Variants in ZNF676 observed in about 807,000 individuals in gnomAD.
The protein encoded by ZNF676 is zinc finger protein 676.
Under a neutral mutation model 6.0 loss-of-function variants are expected in ZNF676, and 4 were observed. The observed-to-expected ratio is 0.67, with a 90% CI of 0.33 to 1.53. ZNF676 has a LOEUF of 1.53. Ranked by LOEUF, ZNF676 falls within the 40% of genes most tolerant of loss-of-function variation. The pLI, the probability that ZNF676 is intolerant of heterozygous loss-of-function variation, is 0.06. For synonymous variants in ZNF676, 198 were observed against 223.1 expected (o/e 0.89, Z 1.00); for missense variants, 644 against 679.7 (o/e 0.95, Z 0.58).
At chr19:22,256,443 T>G in the ZNF676 span, among the ~76,000 whole-genome samples, 25 of 152,028 alleles carry the variant, frequency 1.6e-4, 1 homozygote, top group African/African-American at 5.5e-4. Context: ...CTGAGCCCAG[T>G]GATATGTCAC....
rs767194516 is a variant in ZNF676, at chr19:22,181,240, A to C, written c.477T>G (p.His159Gln). Reference protein sequence around the residue: ...SFCMLSHLSQHERIYTRENSY... With the variant: ...SFCMLSHLSQQERIYTRENSY... ...AATTCTCTCTAGTATAAATTCTTTC[A>C]TGTTGAGATAGGTGTGAAAGCATGC... is the stretch of plus-strand genomic sequence containing the variant. The change falls in exon 3 of 3, where the codon CAT becomes CAG. Residue 159 changes from histidine (H) to glutamine (Q), a missense_variant. This residue lies in a region of ZNF676 where 280 missense variants were observed against 269.3 expected (regional missense o/e 1.04). Coordinates refer to ENST00000397121, the MANE Select transcript of ZNF676 (RefSeq NM_001001411.3). 5.0e-6 allele frequency: 8 copies of C among 1,613,870 alleles called. No individual in the cohort carries two copies. The highest frequency in any genetic ancestry group is 6.8e-6 in the Non-Finnish European group (8 of 1,179,862).
the ZNF676 span, among the ~76,000 whole-genome samples, chr19:22,257,906 T>C: frequency 1.3e-5 from 2 of 152,034 alleles, no homozygotes; most frequent in Non-Finnish European, 2.9e-5. Flanking sequence ...GGCTCACCCA[T>C]ATGTAATGAT....
At chr19:22,212,683 C>T (rs1296952899) in intron 1 of ZNF676, among the ~76,000 whole-genome samples, 3 of 151,084 alleles carry the variant, frequency 2.0e-5, no homozygotes, top group African/African-American at 4.9e-5. Flanking sequence ...CCAGCCTGGG[C>T]GACAGAGGAA....
At chr19:22,189,553 C>T (rs867688984) in intron 2 of ZNF676, among the ~76,000 whole-genome samples, 1 of 151,876 alleles carries the variant, frequency 6.6e-6, no homozygotes, top group African/African-American at 2.4e-5. Context: ...TTCTACACAG[C>T]AAAAGAAACT....
the ZNF676 span, among the ~76,000 whole-genome samples, chr19:22,232,055 C>A: frequency 6.6e-6 from 1 of 151,964 alleles, no homozygotes; most frequent in Admixed American, 6.6e-5. Context: ...GTGTTTTGTG[C>A]AAGTGTGTGT....
upstream of ZNF676, among the ~76,000 whole-genome samples, chr19:22,201,773 G>A (rs1261715263): frequency 7.0e-6 from 1 of 143,026 alleles, no homozygotes; most frequent in African/African-American, 2.6e-5. Flanking sequence ...TACAGTGAAT[G>A]AGCTGATACG....
intron 1 of ZNF676, among the ~76,000 whole-genome samples, chr19:22,205,139 A>T (rs1195125550): frequency 1.3e-5 from 2 of 152,126 alleles, no homozygotes; most frequent in Non-Finnish European, 2.9e-5. Flanking sequence ...ATAAAAAAAA[A>T]CCATGGGTTC....
the ZNF676 span, among the ~76,000 whole-genome samples, chr19:22,246,315 T>C: frequency 2.3e-3 from 348 of 152,016 alleles, 4 homozygotes; most frequent in African/African-American, 7.9e-3. Context: ...TCATGTAACC[T>C]AGGTGCTGGG....
At chr19:22,211,056 A>G (rs1357278314) in intron 1 of ZNF676, among the ~76,000 whole-genome samples, 2 of 147,986 alleles carry the variant, frequency 1.4e-5, no homozygotes, top group African/African-American at 5.0e-5. Context: ...AAGATCTTAT[A>G]GTTGGTACTT....
chr19:22,217,428 C>G (rs1466530630), upstream of ZNF676, among the ~76,000 whole-genome samples: 1 of 152,102 alleles, frequency 6.6e-6, no homozygotes, highest in East Asian at 1.9e-4. Context: ...GTCTCGAACT[C>G]CCAACCTCAG....
intron 1 of ZNF676, among the ~76,000 whole-genome samples, chr19:22,210,084 C>G (rs2024114606): frequency 6.6e-6 from 1 of 152,046 alleles, no homozygotes; most frequent in Non-Finnish European, 1.5e-5. Flanking sequence ...TGGGAGGAGA[C>G]CTGGAATCAA....
At chr19:22,220,131 C>T (rs1374564782), upstream of ZNF676, among the ~76,000 whole-genome samples, 1 of 152,028 alleles carries the variant, frequency 6.6e-6, no homozygotes, top group Non-Finnish European at 1.5e-5. Flanking sequence ...TATTGACTTA[C>T]CTATGTTAAA....
Position 22,179,756 on chromosome 19 carries a change from T to G in ZNF676, c.*194A>C. Reference sequence around the variant, plus strand: ...TGTTCCACAAGGTTTGAGGACCGGTTGAAGCCTTTGTCACATTCTTCACGT... The same window carrying G: ...TGTTCCACAAGGTTTGAGGACCGGTGGAAGCCTTTGTCACATTCTTCACGT... On this transcript the variant is annotated 3_prime_UTR_variant, in exon 3 of 3. Transcript: ENST00000397121. 1 of 790,900 alleles carries G rather than the reference T, an allele frequency of 1.3e-6. No individual in the cohort carries two copies. 49.0% of individuals were successfully genotyped at this position (790,900 alleles called of 1,614,324 possible). A position where few individuals can be genotyped will look rare whatever the true frequency, so the allele number is the denominator to read the frequency against.
the ZNF676 span, among the ~76,000 whole-genome samples, chr19:22,250,549 C>A: frequency 6.6e-6 from 1 of 151,970 alleles, no homozygotes; most frequent in African/African-American, 2.4e-5. Context: ...CTCCTGAGTA[C>A]CCGAGATTAT....
At chr19:22,214,696 T>C (rs981401868) in intron 1 of ZNF676, among the ~76,000 whole-genome samples, 5 of 151,644 alleles carry the variant, frequency 3.3e-5, no homozygotes, top group Non-Finnish European at 7.4e-5. Flanking sequence ...AAACTGCCAA[T>C]TAACCTCTGA....
intron 2 of ZNF676, among the ~76,000 whole-genome samples, chr19:22,184,869 G>A (rs1452182471): frequency 4.7e-5 from 7 of 148,236 alleles, no homozygotes; most frequent in Middle Eastern, 3.5e-3. Context: ...AGCCACAGTC[G>A]GGGGCATATA....
the ZNF676 span, among the ~76,000 whole-genome samples, chr19:22,251,569 C>A: frequency 1.3e-5 from 2 of 152,070 alleles, no homozygotes; most frequent in Non-Finnish European, 2.9e-5. Context: ...GTGGGCAGAT[C>A]ACGATGTCAG....
chr19:22,216,659 A>G (rs2024194817), upstream of ZNF676, among the ~76,000 whole-genome samples: 1 of 150,786 alleles, frequency 6.6e-6, no homozygotes, highest in African/African-American at 2.4e-5. Flanking sequence ...TTTTGAGACG[A>G]GTCTTGCCAG....
At chr19:22,189,597 G>C (rs1286975172) in intron 2 of ZNF676, among the ~76,000 whole-genome samples, 1 of 151,894 alleles carries the variant, frequency 6.6e-6, no homozygotes, top group Non-Finnish European at 1.5e-5. Context: ...TACAGAATGG[G>C]AGAAAAATTT....
Sources: gnomAD v4.1 joint callset for allele counts (sites outside exome capture counted in the v4.1 genomes callset) on GRCh38, gnomAD v4.1.1 for gene constraint, gnomAD v4.1.1 regional missense constraint, MANE v1.5 for transcripts, NCBI Gene and HGNC (gene_info 2026-07-23, HGNC 2026-07-21) for gene names.